Variants in LINGO2 observed in about 807,000 individuals in gnomAD.
LINGO2 encodes the protein leucine-rich repeat and immunoglobulin-like domain-containing nogo receptor-interacting protein 2.
LINGO2 carries 14 observed loss-of-function variants against 30.6 expected under a neutral mutation model. The observed-to-expected ratio is 0.46, with a 90% CI of 0.30 to 0.72. LINGO2 has a LOEUF of 0.72. Among genes scored for constraint, LINGO2 ranks in the 30% least tolerant of loss-of-function variants. LINGO2 has a pLI of 0.07. For missense variants in LINGO2, 729 were observed against 751.7 expected, an observed-to-expected ratio of 0.97 and a Z score of 0.35; for synonymous variants, 317 against 288.5, an observed-to-expected ratio of 1.10 and a Z score of -1.00.
chr9:28,233,749 A>G (rs1393153048), intron 4 of LINGO2, among the ~76,000 whole-genome samples: 1 of 152,176 alleles, frequency 6.6e-6, no homozygotes, highest in Non-Finnish European at 1.5e-5. Flanking sequence ...ATGCCAGTTC[A>G]GCCACAATAG....
rs1333778330 is a variant in LINGO2, at chr9:28,161,191, G to A, written c.-87+134017C>T. ...GTATAAATTAACTTTGCTATTAATT[G>A]TTGATACCGGTGGTCAGTAAGATTT... On this transcript the variant is annotated intron_variant, in intron 4 of 5. Transcript: ENST00000379992. 2.0e-5 allele frequency among the ~76,000 whole-genome samples: 3 copies of A among 152,126 alleles called. No homozygotes were observed. The South Asian group carries it at 6.2e-4, about 32-fold the overall frequency.
intron 3 of LINGO2, among the ~76,000 whole-genome samples, chr9:28,370,232 C>T (rs897626180): frequency 1.3e-5 from 2 of 152,184 alleles, no homozygotes; most frequent in African/African-American, 4.8e-5. Context: ...TAGGCATTCT[C>T]TATTCTCTTC....
chr9:29,069,960 T>C, the LINGO2 span, among the ~76,000 whole-genome samples: 1 of 152,058 alleles, frequency 6.6e-6, no homozygotes, highest in Non-Finnish European at 1.5e-5. Context: ...GGGATAGTTA[T>C]TGCTAAATAG....
intron 4 of LINGO2, among the ~76,000 whole-genome samples, chr9:28,054,397 G>C: frequency 6.6e-6 from 1 of 152,120 alleles, no homozygotes; most frequent in East Asian, 1.9e-4. Context: ...AGTAGCTGAT[G>C]AGATGGAACA....
At chr9:28,428,517 A>T (rs1823510502) in intron 2 of LINGO2, among the ~76,000 whole-genome samples, 1 of 150,878 alleles carries the variant, frequency 6.6e-6, no homozygotes, top group African/African-American at 2.4e-5. Flanking sequence ...AATTGCTGAG[A>T]AAGTCATCTG....
intron 1 of LINGO2, among the ~76,000 whole-genome samples, chr9:28,576,892 A>G (rs1824017974): frequency 6.6e-6 from 1 of 152,192 alleles, no homozygotes; most frequent in Non-Finnish European, 1.5e-5. Context: ...GTGGAGTCCC[A>G]TGACTTCTTC....
chr9:28,607,630 C>T (rs1052573277), intron 1 of LINGO2, among the ~76,000 whole-genome samples: 4 of 151,914 alleles, frequency 2.6e-5, no homozygotes, highest in African/African-American at 9.7e-5. Flanking sequence ...TTCACGTGAT[C>T]AGAAAGATGA....
At chr9:29,168,505 T>C in the LINGO2 span, among the ~76,000 whole-genome samples, 2 of 152,310 alleles carry the variant, frequency 1.3e-5, no homozygotes, top group African/African-American at 2.4e-5. Flanking sequence ...CAAAGAAATA[T>C]AGCAGGTAAT....
At chr9:28,957,769 A>T in the LINGO2 span, among the ~76,000 whole-genome samples, 1 of 152,196 alleles carries the variant, frequency 6.6e-6, no homozygotes, top group Non-Finnish European at 1.5e-5. Flanking sequence ...ATCTACCTGA[A>T]GATTTTAACA....
chr9:28,197,450 G>A (rs879834988), intron 4 of LINGO2, among the ~76,000 whole-genome samples: 2 of 151,706 alleles, frequency 1.3e-5, no homozygotes, highest in African/African-American at 4.8e-5. Context: ...TAATAAAGAT[G>A]GCATTTCAAT....
At chr9:28,247,749 C>G (rs1822054727) in intron 4 of LINGO2, among the ~76,000 whole-genome samples, 1 of 151,970 alleles carries the variant, frequency 6.6e-6, no homozygotes, top group Non-Finnish European at 1.5e-5. Context: ...TATCCCAGAA[C>G]TTAAAGTTTA....
the LINGO2 span, among the ~76,000 whole-genome samples, chr9:29,055,079 C>T: frequency 4.0e-5 from 6 of 151,850 alleles, no homozygotes; most frequent in African/African-American, 1.2e-4. Context: ...ATTAGACAGG[C>T]GTGGTGGCGG....
chr9:29,096,388 C>T, the LINGO2 span, among the ~76,000 whole-genome samples: 2 of 139,716 alleles, frequency 1.4e-5, no homozygotes, highest in Non-Finnish European at 3.1e-5. Flanking sequence ...TGGGCTCAAG[C>T]GATTCTCATG....
At chr9:29,120,764 C>A in the LINGO2 span, among the ~76,000 whole-genome samples, 1 of 152,112 alleles carries the variant, frequency 6.6e-6, no homozygotes, top group South Asian at 2.1e-4. Context: ...TTGAACCAGA[C>A]CTTAAAACTT....
At chr9:28,306,676 C>T (rs1033121799) in intron 3 of LINGO2, among the ~76,000 whole-genome samples, 5 of 151,880 alleles carry the variant, frequency 3.3e-5, no homozygotes, top group African/African-American at 4.8e-5. Context: ...ATTGATAGAC[C>T]GCTAGCAAGA....
At chr9:29,141,005 A>G in the LINGO2 span, among the ~76,000 whole-genome samples, 1 of 152,114 alleles carries the variant, frequency 6.6e-6, no homozygotes, top group East Asian at 1.9e-4. Flanking sequence ...GAAGAGGTTC[A>G]TCACCACTGG....
At chr9:28,313,285 A>T (rs1338633550) in intron 3 of LINGO2, among the ~76,000 whole-genome samples, 1 of 152,206 alleles carries the variant, frequency 6.6e-6, no homozygotes, top group Non-Finnish European at 1.5e-5. Context: ...GGAACTATTT[A>T]ACGAGAGGGG....
chr9:28,330,286 T>C (rs550645153), intron 3 of LINGO2, among the ~76,000 whole-genome samples: 6 of 152,254 alleles, frequency 3.9e-5, no homozygotes, highest in Middle Eastern at 3.4e-3. Context: ...TAAATTTCTG[T>C]TGTTTAAGCC....
At chr9:29,071,782 T>C in the LINGO2 span, among the ~76,000 whole-genome samples, 9 of 151,820 alleles carry the variant, frequency 5.9e-5, no homozygotes, top group East Asian at 1.9e-4. Context: ...AAGTCACACA[T>C]ACCCTGAGTA....
Sources: gnomAD v4.1 joint callset for allele counts (sites outside exome capture counted in the v4.1 genomes callset) on GRCh38, gnomAD v4.1.1 for gene constraint, MANE v1.5 for transcripts, NCBI Gene and HGNC (gene_info 2026-07-23, HGNC 2026-07-21) for gene names.